The following COL9A1 variants were observed in gnomAD, a reference collection of about 807,000 sequenced individuals.
COL9A1 encodes collagen alpha-1(IX) chain.
In COL9A1, 104 loss-of-function variants were observed where a neutral mutation model predicts 142.6. The ratio of observed to expected loss-of-function variants is 0.73; its 90% CI spans 0.62 to 0.86. The LOEUF is 0.86. COL9A1 is among the 40% of genes least tolerant of loss of function. The pLI, the probability that COL9A1 is intolerant of heterozygous loss-of-function variation, is 0.00. For missense variants in COL9A1, 1,210 were observed against 1,176.6 expected (o/e 1.03, Z -0.42); for synonymous variants, 466 against 396.0 (o/e 1.18, Z -2.10).
At chr6:70,235,431 C>T (rs1033730219) in intron 33 of COL9A1, among the ~76,000 whole-genome samples, 2 of 151,884 alleles carry the variant, frequency 1.3e-5, no homozygotes, top group Non-Finnish European at 2.9e-5. Flanking sequence ...CCAGCCTGGG[C>T]AACATAGTAA....
chr6:70,253,863 G>A (rs756712685), intron 25 of COL9A1, among the ~76,000 whole-genome samples: 40 of 152,180 alleles, frequency 2.6e-4, no homozygotes, highest in Non-Finnish European at 5.0e-4. Flanking sequence ...ATGGTAGGAG[G>A]ATGCTGGATC....
chr6:70,296,733 C>T (rs1773862591), intron 4 of COL9A1, among the ~76,000 whole-genome samples: 3 of 152,074 alleles, frequency 2.0e-5, no homozygotes, highest in Admixed American at 2.0e-4. Context: ...CAAAGTTTTA[C>T]TCAATTGTGA....
At chr6:70,294,905 T>G (rs1773795983) in intron 4 of COL9A1, among the ~76,000 whole-genome samples, 1 of 152,218 alleles carries the variant, frequency 6.6e-6, no homozygotes, top group Non-Finnish European at 1.5e-5. Context: ...AATACATTCT[T>G]GCAAAGTTCT....
In COL9A1 at chr6:70,254,988, C is replaced by A. The variant is rs1427326341; in HGVS notation, c.1640G>T (p.Gly547Val). 5 of 1,614,022 alleles carry A rather than the reference C, an allele frequency of 3.1e-6. No homozygotes were observed. Among genetic ancestry groups the A allele is most frequent in the African/African-American group, 2.7e-5 (2 of 74,906 alleles). ...CTTTGTTCCAGGCATTCCAGGGATCCCATCACGGCCATCCACACCTGGCAA... is the reference window on the plus strand; with the variant it reads ...CTTTGTTCCAGGCATTCCAGGGATCACATCACGGCCATCCACACCTGGCAA... ...TGLPGVDGRD[G>V]IPGMPGTKGE... Residue 547 changes from glycine (G) to valine (V), a missense_variant, in exon 24 of 38, where the codon GGG (glycine) becomes GTG (valine). Transcript: ENST00000357250.
intron 28 of COL9A1, among the ~76,000 whole-genome samples, chr6:70,246,998 T>C (rs892974395): frequency 1.2e-4 from 19 of 152,212 alleles, no homozygotes; most frequent in Non-Finnish European, 2.5e-4. Flanking sequence ...CTTAGAACTA[T>C]GCTTGTCTCA....
At chr6:70,256,270 T>C (rs508712) in intron 21 of COL9A1, among the ~76,000 whole-genome samples, 6,052 of 152,330 alleles carry the variant, frequency 0.04, 429 homozygotes, top group African/African-American at 0.14. Context: ...TTGGAAATTC[T>C]ATCTTTCTTA....
At chr6:70,249,134 G>T (rs1770777280) in intron 28 of COL9A1, among the ~76,000 whole-genome samples, 1 of 131,438 alleles carries the variant, frequency 7.6e-6, no homozygotes, top group South Asian at 2.2e-4. Context: ...TTAATGGACA[G>T]TTTAAGATTT....
At chr6:70,239,390 G>C (rs939830760) in intron 32 of COL9A1, 104 bp from the exon 33 acceptor site, 1 of 830,436 alleles carries the variant, frequency 1.2e-6, no homozygotes, top group East Asian at 2.5e-5. Flanking sequence ...GGAAAACCAT[G>C]AACAGATTAA....
At chr6:70,301,635 C>T (rs1774067970) in intron 2 of COL9A1, among the ~76,000 whole-genome samples, 1 of 152,058 alleles carries the variant, frequency 6.6e-6, no homozygotes, top group Non-Finnish European at 1.5e-5. Context: ...GTACATCAAA[C>T]ATGCTCTTTA....
rs368083151 is a variant in COL9A1, at chr6:70,302,233, G to A, written c.15-159C>T. ...TTTTTTTTTTTTTTTTTTTTGAGAC[G>A]GAGTCTCGCTCTGTCACCCAGGCTG... On this transcript the variant is annotated intron_variant, in intron 1 of 37. Coordinates refer to ENST00000357250, the MANE Select transcript of COL9A1 (RefSeq NM_001851.6). Among the ~76,000 whole-genome samples, 548 of 124,990 alleles carry A rather than the reference G, an allele frequency of 4.4e-3. 5 individuals carry two copies. Among genetic ancestry groups the A allele is most frequent in the African/African-American group, 0.016 (524 of 32,920 alleles). 82.0% of individuals were successfully genotyped at this position (124,990 alleles called of 152,430 possible). A position where few individuals can be genotyped will look rare whatever the true frequency, so the allele number is the denominator to read the frequency against.
intron 4 of COL9A1, among the ~76,000 whole-genome samples, chr6:70,297,022 A>G (rs1773872187): frequency 6.6e-6 from 1 of 152,046 alleles, no homozygotes; most frequent in Admixed American, 6.6e-5. Context: ...TCAGTTCTGG[A>G]AGTCACAGTA....
At chr6:70,277,074 A>G (rs1772808310) in intron 10 of COL9A1, among the ~76,000 whole-genome samples, 1 of 152,256 alleles carries the variant, frequency 6.6e-6, no homozygotes, top group Non-Finnish European at 1.5e-5. Context: ...AGTTGTATAC[A>G]TTCAGAAAAT....
chr6:70,290,736 G>C (rs1773628634), intron 5 of COL9A1, among the ~76,000 whole-genome samples: 1 of 151,950 alleles, frequency 6.6e-6, no homozygotes, highest in African/African-American at 2.4e-5. Flanking sequence ...CTTTAGAAGG[G>C]ATATTTTGCT....
intron 19 of COL9A1, 166 bp from the exon 20 acceptor site, chr6:70,260,876 A>G: frequency 1.6e-6 from 1 of 622,508 alleles, no homozygotes; most frequent in South Asian, 2.3e-5. Context: ...TAGAAAGTCC[A>G]AGGAGAATTC....
chr6:70,242,566 C>T (rs1770331867), intron 29 of COL9A1, 96 bp downstream of exon 29: 2 of 1,039,712 alleles, frequency 1.9e-6, no homozygotes, highest in Non-Finnish European at 1.5e-6. Context: ...AAATCAAGTA[C>T]AGGTAATTCA....
Position 70,225,976 on chromosome 6 carries a change from G to C in COL9A1, c.2537C>G (p.Pro846Arg), listed in dbSNP as rs201978369. 3.1e-6 allele frequency: 5 copies of C among 1,613,886 alleles called. No homozygotes were observed. The African/African-American group carries it at 5.3e-5, about 17-fold the overall frequency. ...DLGEKGERGP[P>R]GRGPNGLPGA... ...AGGCAAACCGTTGGGACCTCTTCCT[G>C]GAGGGCCACGCTCCCCCTTTTCTCC... The change falls in exon 37 of 38, where the codon CCA becomes CGA. Residue 846 changes from proline to arginine, a missense_variant. Pro to Arg is a moderately radical substitution (Grantham distance 103). Transcript: ENST00000357250.
chr6:70,302,026 T>A lies in COL9A1; in HGVS notation c.63A>T (p.Ala21=), dbSNP rs554364880. 65 of 1,611,808 alleles carry A rather than the reference T, an allele frequency of 4.0e-5. No homozygotes were observed. The South Asian group carries it at 6.4e-4, about 16-fold the overall frequency. ...TGGGGCGACGCTTGACAGCTGCAGA[T>A]GCCCAGGGTTCCAGGAAACTGCACA... The part of the protein sequence containing the change: ...FFVCSFLEPW[A]SAAVKRRPRF... Residue 21 remains alanine, a synonymous_variant, in exon 2 of 38, where the codon GCA becomes GCT. Transcript: ENST00000357250.
At chr6:70,249,615 TG>T (rs1770809192) in intron 28 of COL9A1, among the ~76,000 whole-genome samples, 1 of 152,168 alleles carries the variant, frequency 6.6e-6, no homozygotes, top group South Asian at 2.1e-4. Context: ...GGAAATGTGA[TG>T]GAGGAAAATG....
Position 70,216,949 on chromosome 6 carries a change from G to A in COL9A1, c.2714C>T (p.Ser905Phe), listed in dbSNP as rs1404727119. ...TCGCTGACCAGCCTGCATGGTGCAG[G>A]AGGCTGGCTCACAGAAACCGGGAAG... is the stretch of plus-strand genomic sequence containing the variant. ...PGLPGFCEPA[S>F]CTMQAGQRAF... is the part of the protein sequence containing the mutation. Residue 905 changes from serine to phenylalanine, a missense_variant, in exon 38 of 38, where the codon TCC becomes TTC. Physicochemically the swap from Ser to Phe is radical, Grantham distance 155. Coordinates refer to ENST00000357250, the MANE Select transcript of COL9A1 (RefSeq NM_001851.6). 1 of 1,614,142 alleles carries A rather than the reference G, an allele frequency of 6.2e-7. No individual in the cohort carries two copies. The highest frequency in any genetic ancestry group is 8.5e-7 in the Non-Finnish European group (1 of 1,180,028).
Sources: gnomAD v4.1 joint callset for allele counts (sites outside exome capture counted in the v4.1 genomes callset) on GRCh38, gnomAD v4.1.1 for gene constraint, MANE v1.5 for transcripts, NCBI Gene and HGNC (gene_info 2026-07-23, HGNC 2026-07-21) for gene names.